The following DDX46 variants were observed in gnomAD, a reference collection of about 807,000 sequenced individuals.
The protein encoded by DDX46 is DEAD-box helicase 46.
DDX46 carries 30 observed loss-of-function variants against 134.9 expected under a neutral mutation model. The ratio of observed to expected loss-of-function variants is 0.22; its 90% CI spans 0.17 to 0.30. DDX46 has a LOEUF of 0.30. Ranked by LOEUF, DDX46 falls within the 10% of genes least tolerant of loss-of-function variation. The pLI is 1.00. For missense variants in DDX46, 622 were observed against 1,248.7 expected (o/e 0.50, Z 7.56); for synonymous variants, 415 against 404.1 (o/e 1.03, Z -0.32).
At chr5:134,828,342 T>C (rs964765114) in intron 22 of DDX46, among the ~76,000 whole-genome samples, 4 of 152,230 alleles carry the variant, frequency 2.6e-5, no homozygotes, top group African/African-American at 9.6e-5. Flanking sequence ...ATGTGCTTAA[T>C]ACTATTTCAC....
intron 14 of DDX46, among the ~76,000 whole-genome samples, chr5:134,795,703 C>A (rs964903956): frequency 2.6e-5 from 4 of 151,972 alleles, no homozygotes; most frequent in African/African-American, 9.7e-5. Context: ...CCTGTCTCTA[C>A]AAAGGAAAAA....
chr5:134,759,072 C>G, intron 1 of DDX46, 117 bp downstream of exon 1: 2 of 1,479,378 alleles, frequency 1.4e-6, no homozygotes, highest in Non-Finnish European at 1.8e-6. Flanking sequence ...GCGGTCAGCG[C>G]TGCCCCGCGA....
At chr5:134,807,177 T>A (rs1170029433) in intron 15 of DDX46, among the ~76,000 whole-genome samples, 2 of 66,882 alleles carry the variant, frequency 3.0e-5, no homozygotes, top group Non-Finnish European at 5.6e-5. Flanking sequence ...ACGCCTGGCT[T>A]TTTTTTTTTT....
chr5:134,795,226 T>G (rs1045071463), intron 14 of DDX46, among the ~76,000 whole-genome samples: 8 of 151,030 alleles, frequency 5.3e-5, no homozygotes, highest in Non-Finnish European at 1.0e-4. Context: ...TTTTGTTTTT[T>G]TTTTGCTGGG....
At chr5:134,806,893 T>C (rs1262386191) in intron 15 of DDX46, among the ~76,000 whole-genome samples, 1 of 152,194 alleles carries the variant, frequency 6.6e-6, no homozygotes, top group Non-Finnish European at 1.5e-5. Context: ...TTGCCATTCA[T>C]ACTAAACCTC....
intron 15 of DDX46, among the ~76,000 whole-genome samples, chr5:134,798,345 C>G (rs569878833): frequency 7.9e-5 from 12 of 151,626 alleles, no homozygotes; most frequent in African/African-American, 2.9e-4. Flanking sequence ...ACTATAGGTG[C>G]ATGCCACCAT....
intron 3 of DDX46, among the ~76,000 whole-genome samples, chr5:134,767,583 T>A (rs1753614513): frequency 6.6e-6 from 1 of 151,908 alleles, no homozygotes; most frequent in South Asian, 2.1e-4. Context: ...TCAAGTGATC[T>A]GCCCACCTCG....
intron 20 of DDX46, 131 bp downstream of exon 20, chr5:134,817,845 T>C: frequency 1.3e-6 from 1 of 751,760 alleles, no homozygotes; most frequent in Non-Finnish European, 2.1e-6. Context: ...GATATAACAA[T>C]AGAAATTTGA....
In DDX46 at chr5:134,766,967, G is replaced by A. The variant is rs188688500; in HGVS notation, c.257G>A (p.Arg86Gln). Residue 86 changes from arginine (R) to glutamine (Q), a missense_variant, in exon 3 of 23, where the codon CGA (arginine) becomes CAA (glutamine). Physicochemically the swap from Arg to Gln is conservative, Grantham distance 43 (BLOSUM62 1). Coordinates refer to ENST00000452510, the MANE Select transcript of DDX46 (RefSeq NM_001300860.2). ...AGAAGCCGAGAGCGAAGAAGATCTC[G>A]AAGTAGAGACAGGAGACGCTCAAGG... ...RDRSRERRRS[R>Q]SRDRRRSRSR... is the part of the protein sequence containing the mutation. 6.8e-6 allele frequency: 11 copies of A among 1,614,160 alleles called. No individual in the cohort carries two copies. Among genetic ancestry groups the A allele is most frequent in the Admixed American group, 1.7e-5 (1 of 60,018 alleles).
intron 6 of DDX46, among the ~76,000 whole-genome samples, chr5:134,778,467 CT>C (rs144291515): frequency 0.013 from 2,000 of 152,218 alleles, 35 homozygotes; most frequent in African/African-American, 0.046. Context: ...AGGGCAGTGA[CT>C]TTTACCTGTG....
intron 12 of DDX46, chr5:134,789,286 C>T (rs879119045): frequency 6.6e-6 from 1 of 152,084 alleles, no homozygotes; most frequent in Admixed American, 6.5e-5. Flanking sequence ...AATGCTGTTC[C>T]CGACCTTGCA....
At position 134,790,420 on chromosome 5, in the gene DDX46, G is replaced by T. The variant is rs1754467324; in HGVS notation, c.1544-50G>T. ...GTTCTTGGTAGCCATAAAATGAATT[G>T]TGACTGATTTTTAGTTTTCTTTTTG... is the stretch of plus-strand genomic sequence containing the variant. On this transcript the variant is annotated intron_variant, in intron 12 of 22. Transcript: ENST00000452510. 7 of 1,532,048 alleles carry T rather than the reference G, an allele frequency of 4.6e-6. No individual in the cohort carries two copies. In the South Asian group the frequency reaches 7.2e-5, roughly 16 times the overall value. The allele number at this position is 1,532,048 out of a possible 1,614,324, so 94.9% of individuals were successfully genotyped here.
intron 19 of DDX46, 138 bp from the exon 20 acceptor site, chr5:134,817,358 T>A (rs1755312575): frequency 1.3e-6 from 1 of 767,582 alleles, no homozygotes; most frequent in Non-Finnish European, 2.0e-6. Flanking sequence ...CACATATCAA[T>A]GAGACTATGC....
At chr5:134,773,012 G>A (rs190488171) in intron 4 of DDX46, among the ~76,000 whole-genome samples, 8 of 152,060 alleles carry the variant, frequency 5.3e-5, no homozygotes, top group Admixed American at 5.2e-4. Flanking sequence ...GTTGGCCAGG[G>A]TGGTTTCCAA....
At chr5:134,765,098 T>TC (rs1225752466) in intron 2 of DDX46, among the ~76,000 whole-genome samples, 4 of 149,644 alleles carry the variant, frequency 2.7e-5, no homozygotes, top group Non-Finnish European at 5.9e-5. Flanking sequence ...AGACAGAGTC[T>TC]CACTCTGTCA....
rs1383358189 is a variant in DDX46, at chr5:134,785,439, G to C, written c.1343-26G>C. On this transcript the variant is annotated intron_variant, in intron 10 of 22. Transcript: ENST00000452510. ...ACAGCCTTAAGAATTTTGGTGGTTAGGCTACTGATGTATTTATCTTTCCAG... is the reference window on the plus strand; with the variant it reads ...ACAGCCTTAAGAATTTTGGTGGTTACGCTACTGATGTATTTATCTTTCCAG... The C allele has an allele frequency of 2.5e-6, 4 of 1,605,970 alleles. No individual in the cohort carries two copies. In the African/African-American group the frequency reaches 4.0e-5, roughly 16 times the overall value.
chr5:134,788,265 TC>T (rs1754400535), intron 11 of DDX46, among the ~76,000 whole-genome samples: 1 of 152,164 alleles, frequency 6.6e-6, no homozygotes, highest in East Asian at 1.9e-4. Flanking sequence ...TTTCTTAAGT[TC>T]ATTTCTTGGT....
intron 3 of DDX46, among the ~76,000 whole-genome samples, chr5:134,769,327 GTT>G (rs1026334806): frequency 8.0e-5 from 8 of 100,472 alleles, no homozygotes; most frequent in Non-Finnish European, 1.4e-4. Flanking sequence ...TATTTTCAAG[GTT>G]TTTTTTTTTT....
chr5:134,769,201 C>T (rs1303855495), intron 3 of DDX46, among the ~76,000 whole-genome samples: 1 of 151,946 alleles, frequency 6.6e-6, no homozygotes, highest in South Asian at 2.1e-4. Context: ...TTTAACTATC[C>T]TACCTATAAA....
Sources: gnomAD v4.1 joint callset for allele counts (sites outside exome capture counted in the v4.1 genomes callset) on GRCh38, gnomAD v4.1.1 for gene constraint, MANE v1.5 for transcripts, NCBI Gene and HGNC (gene_info 2026-07-23, HGNC 2026-07-21) for gene names.